Variants in ZNF700 observed in about 807,000 individuals in gnomAD.
ZNF700 encodes the protein zinc finger protein 700.
A neutral mutation model predicts 65.3 loss-of-function variants in ZNF700; 38 were observed. The observed-to-expected ratio is 0.58, with a 90% CI of 0.45 to 0.76. ZNF700 has a LOEUF of 0.76. ZNF700 is among the 30% of genes least tolerant of loss of function. ZNF700 has a pLI of 0.00. For missense variants in ZNF700, 857 were observed against 888.4 expected (o/e 0.96, Z 0.45); for synonymous variants, 285 against 290.4 (o/e 0.98, Z 0.19).
chr19:11,929,934 A>C (rs950056684), intron 1 of ZNF700, among the ~76,000 whole-genome samples: 5 of 148,090 alleles, frequency 3.4e-5, no homozygotes, highest in East Asian at 3.9e-4. Context: ...AGGTTCCTTT[A>C]TGGAAACTTT....
chr19:11,947,274 A>T lies in ZNF700; in HGVS notation c.157A>T (p.Met53Leu). The change falls in exon 2 of 4, where the codon ATG becomes TTG. Residue 53 changes from methionine (M) to leucine (L), a missense_variant. Coordinates refer to ENST00000254321, the MANE Select transcript of ZNF700 (RefSeq NM_144566.3). ...CCAGAAGAATCTCTTCAGGGAAGTGATGCTGGAAACTTTCAGGAACCTGAC... is the reference window on the plus strand; with the variant it reads ...CCAGAAGAATCTCTTCAGGGAAGTGTTGCTGGAAACTTTCAGGAACCTGAC... ...ISQKNLFREVMLETFRNLTSI... is the reference protein window; with the variant it reads ...ISQKNLFREVLLETFRNLTSI... The T allele has an allele frequency of 6.2e-7, 1 of 1,614,082 alleles. No homozygotes were observed. The highest frequency in any genetic ancestry group is 8.5e-7 in the Non-Finnish European group (1 of 1,180,004).
intron 1 of ZNF700, among the ~76,000 whole-genome samples, chr19:11,935,777 T>G (rs1317136797): frequency 6.6e-6 from 1 of 152,208 alleles, no homozygotes; most frequent in Non-Finnish European, 1.5e-5. Context: ...TACATAGGTA[T>G]AACATGTGCC....
intron 1 of ZNF700, among the ~76,000 whole-genome samples, chr19:11,944,284 G>A (rs1972927275): frequency 6.6e-6 from 1 of 151,950 alleles, no homozygotes; most frequent in Non-Finnish European, 1.5e-5. Context: ...ATTTCATAAG[G>A]GGAATATCCT....
chr19:11,950,218 TA>T lies in ZNF700; in HGVS notation c.2195del (p.Tyr732LeufsTer89). 1.2e-6 allele frequency: 2 copies of T among 1,612,692 alleles called. No homozygotes were observed. Among genetic ancestry groups the T allele is most frequent in the Non-Finnish European group, 1.7e-6 (2 of 1,179,628 alleles). ...HARTHMGEKPYECKDCGKAFS is the reference protein window; with the variant it reads ...HARTHMGEKPXECKDCGKAFS Reference sequence around the variant, plus strand: ...AAGGACTCATATGGGAGAGAAGCCATATGAATGTAAGGATTGTGGGAAAGCA... The same window carrying T: ...AAGGACTCATATGGGAGAGAAGCCATTGAATGTAAGGATTGTGGGAAAGCA... On this transcript the variant is annotated frameshift_variant, in exon 4 of 4. Transcript: ENST00000254321. LOFTEE classifies it high-confidence loss of function.
rs773582251 is a variant in ZNF700, at chr19:11,947,531, C to G, written c.208C>G (p.Gln70Glu). The change falls in exon 3 of 4, where the codon CAG becomes GAG. Residue 70 changes from glutamine (Q) to glutamate (E), a missense_variant. Physicochemically the swap from Gln to Glu is conservative, Grantham distance 29. This residue lies in a region of ZNF700 where 603 missense variants were observed against 619.9 expected (regional missense o/e 0.97). Coordinates refer to ENST00000254321, the MANE Select transcript of ZNF700 (RefSeq NM_144566.3). ...TATTTTAGGAAAAAAATGGAGTGAC[C>G]AGAACATTGAATATGAGTACCAAAA... The part of the protein sequence containing the change: ...LTSIGKKWSD[Q>E]NIEYEYQNPR... 38 of 1,613,116 alleles carry G rather than the reference C, an allele frequency of 2.4e-5. No homozygotes were observed. The South Asian group carries it at 3.6e-4, about 15-fold the overall frequency.
At position 11,949,353 on chromosome 19, in the gene ZNF700, G is replaced by C; in HGVS notation, c.1329G>C (p.Glu443Asp). 6.2e-7 allele frequency: 1 copy of C among 1,613,810 alleles called. No homozygotes were observed. Among genetic ancestry groups the C allele is most frequent in the Non-Finnish European group, 8.5e-7 (1 of 1,179,950 alleles). ...LRVHGGTHTG[E>D]KPYECKECGK... is the part of the protein sequence containing the mutation. The stretch of plus-strand genomic sequence containing the variant: ...TGCACGGTGGGACTCACACTGGAGA[G>C]AAACCCTATGAATGTAAGGAATGTG... Residue 443 changes from glutamate to aspartate, a missense_variant, in exon 4 of 4, where the codon GAG becomes GAC. By Grantham distance (45) the Glu-to-Asp change is conservative. Coordinates refer to ENST00000254321, the MANE Select transcript of ZNF700 (RefSeq NM_144566.3).
At position 11,947,544 on chromosome 19, in the gene ZNF700, A is replaced by G. The variant is rs377132952; in HGVS notation, c.221A>G (p.Tyr74Cys). The change falls in exon 3 of 4, where the codon TAT becomes TGT. Residue 74 changes from tyrosine to cysteine, a missense_variant. Coordinates refer to ENST00000254321, the MANE Select transcript of ZNF700 (RefSeq NM_144566.3). ...GKKWSDQNIE[Y>C]EYQNPRRSFR... ...AAATGGAGTGACCAGAACATTGAATATGAGTACCAAAACCCCAGAAGAAGC... is the reference window on the plus strand; with the variant it reads ...AAATGGAGTGACCAGAACATTGAATGTGAGTACCAAAACCCCAGAAGAAGC... 9.3e-6 allele frequency: 15 copies of G among 1,613,796 alleles called. No individual in the cohort carries two copies. Among genetic ancestry groups the G allele is most frequent in the Non-Finnish European group, 1.2e-5 (14 of 1,179,952 alleles).
intron 1 of ZNF700, among the ~76,000 whole-genome samples, chr19:11,932,921 G>A (rs1316576601): frequency 1.3e-5 from 2 of 148,498 alleles, no homozygotes; most frequent in Non-Finnish European, 2.9e-5. Context: ...ACAGGCGTGA[G>A]CCACTGCACC....
rs1336570182 is a variant in ZNF700 at position 11,948,525 on chromosome 19, AC to A, written c.502del (p.Gln168AsnfsTer47). 25 of 1,611,486 alleles carry A rather than the reference AC, an allele frequency of 1.6e-5. No individual in the cohort carries two copies. Among genetic ancestry groups the A allele is most frequent in the Non-Finnish European group, 1.9e-5 (23 of 1,179,524 alleles). On this transcript the variant is annotated frameshift_variant, in exon 4 of 4. Coordinates refer to ENST00000254321, the MANE Select transcript of ZNF700 (RefSeq NM_144566.3). LOFTEE classifies it high-confidence loss of function. Reference sequence around the variant, plus strand: ...ATGGACCAAAGCCATATAAGTGTCAACAACCTAAAAATAAGAAAGCCTTCAG... The same window carrying A: ...ATGGACCAAAGCCATATAAGTGTCAAAACCTAAAAATAAGAAAGCCTTCAG... ...EYGPKPYKCQ[Q>X]PKNKKAFRYR... is the part of the protein sequence containing the mutation.
chr19:11,948,628 A>T lies in ZNF700; in HGVS notation c.604A>T (p.Thr202Ser). 6.2e-7 allele frequency: 1 copy of T among 1,609,970 alleles called. No homozygotes were observed. The highest frequency in any genetic ancestry group is 1.1e-5 in the South Asian group (1 of 90,166). Reference protein sequence around the residue: ...KPYACKVCGKTFIFHSSIRRH... With the variant: ...KPYACKVCGKSFIFHSSIRRH... ...CTATGCTTGTAAAGTCTGTGGAAAA[A>T]CCTTTATTTTCCATTCAAGCATTCG... The change falls in exon 4 of 4, where the codon ACC (threonine) becomes TCC (serine). Residue 202 changes from threonine (T) to serine (S), a missense_variant. Physicochemically the swap from Thr to Ser is moderately conservative, Grantham distance 58. Coordinates refer to ENST00000254321, the MANE Select transcript of ZNF700 (RefSeq NM_144566.3).
intron 1 of ZNF700, among the ~76,000 whole-genome samples, chr19:11,933,092 T>C (rs1972739088): frequency 1.4e-5 from 2 of 148,124 alleles, no homozygotes; most frequent in South Asian, 2.1e-4. Context: ...TTCCCTCATT[T>C]TTCTTCCAAG....
At chr19:11,945,397 C>T (rs1184471406) in intron 1 of ZNF700, among the ~76,000 whole-genome samples, 1 of 152,214 alleles carries the variant, frequency 6.6e-6, no homozygotes, top group East Asian at 1.9e-4. Context: ...AGCACAAGTC[C>T]TGTACTGGCC....
intron 1 of ZNF700, among the ~76,000 whole-genome samples, chr19:11,942,887 G>C (rs1972907328): frequency 6.6e-6 from 1 of 152,168 alleles, no homozygotes; most frequent in Non-Finnish European, 1.5e-5. Context: ...GAGACAATAA[G>C]AGAGGTGGTC....
intron 1 of ZNF700, among the ~76,000 whole-genome samples, chr19:11,937,391 T>C (rs1449570314): frequency 1.3e-5 from 2 of 152,282 alleles, no homozygotes; most frequent in Middle Eastern, 3.4e-3. Flanking sequence ...TTGCCCAGGC[T>C]GGTCTCGAAC....
intron 1 of ZNF700, chr19:11,939,886 T>C (rs185881209): frequency 6.6e-6 from 1 of 152,356 alleles, no homozygotes; most frequent in East Asian, 1.9e-4. Flanking sequence ...ATGAATTCTA[T>C]TGTATTTTGC....
intron 2 of ZNF700, 54 bp from the exon 3 acceptor site, chr19:11,947,460 T>A: frequency 6.2e-7 from 1 of 1,603,162 alleles, no homozygotes; most frequent in Non-Finnish European, 8.5e-7. Flanking sequence ...AATCTAATAA[T>A]TTTTTCACAA....
chr19:11,939,951 T>C (rs1338951770), intron 1 of ZNF700: 1 of 142,962 alleles, frequency 7.0e-6, no homozygotes, highest in Non-Finnish European at 1.5e-5. Flanking sequence ...CAAGACGTTT[T>C]CTTTTTTTTT....
In ZNF700 at chr19:11,948,765, G is replaced by A. The variant is rs373472849; in HGVS notation, c.741G>A (p.Glu247=). The A allele has an allele frequency of 1.6e-4, 253 of 1,611,034 alleles. No individual in the cohort carries two copies. The highest frequency in any genetic ancestry group is 2.1e-4 in the Non-Finnish European group (250 of 1,179,438). Residue 247 remains glutamate, a synonymous_variant, in exon 4 of 4, where the codon GAG becomes GAA. Transcript: ENST00000254321. Reference sequence around the variant, plus strand: ...TCCATGAAAGAACTCACACTGGAGAGAAACCATATGAATGTAAACAATGTG... The same window carrying A: ...TCCATGAAAGAACTCACACTGGAGAAAAACCATATGAATGTAAACAATGTG... ...YLIHERTHTG[E]KPYECKQCGK...
chr19:11,934,603 T>G lies in ZNF700; in HGVS notation c.63+9330T>G, dbSNP rs763752911. Among the ~76,000 whole-genome samples, 28 of 146,040 alleles carry G rather than the reference T, an allele frequency of 1.9e-4. 1 individual carries two copies. The highest frequency in any genetic ancestry group is 8.1e-4 in the Admixed American group (12 of 14,826). On this transcript the variant is annotated intron_variant, in intron 1 of 3. Coordinates refer to ENST00000254321, the MANE Select transcript of ZNF700 (RefSeq NM_144566.3). ...GTGCAATGGCGCAATCTCAGCTCACTGCAGCCTCTGCCTCCCAGGTTCAAA... is the reference window on the plus strand; with the variant it reads ...GTGCAATGGCGCAATCTCAGCTCACGGCAGCCTCTGCCTCCCAGGTTCAAA...
Sources: allele counts gnomAD v4.1 joint callset (sites outside exome capture counted in the v4.1 genomes callset), GRCh38; gene constraint gnomAD v4.1.1; regional missense constraint gnomAD v4.1.1; transcripts MANE v1.5; gene names NCBI Gene and HGNC (gene_info 2026-07-23, HGNC 2026-07-21).